KCNB2: variants seen among roughly 807,000 people sequenced by gnomAD.
KCNB2 encodes the protein potassium voltage-gated channel subfamily B member 2, also known as delayed rectifier potassium channel protein.
A neutral mutation model predicts 61.5 loss-of-function variants in KCNB2; 15 were observed. That is an observed-to-expected ratio of 0.24 (90% CI 0.16 to 0.38). The LOEUF (loss-of-function observed/expected upper bound fraction) is 0.38, where lower values mean the gene tolerates loss of function less well. Ranked by LOEUF, KCNB2 falls within the 10% of genes least tolerant of loss-of-function variation. The probability of loss-of-function intolerance (pLI) is 1.00; values close to 1 mark genes in which losing one functional copy is unlikely to be tolerated. For missense variants in KCNB2, 828 were observed against 1,125.2 expected, an observed-to-expected ratio of 0.74 and a Z score of 3.78; for synonymous variants, 457 against 446.0, an observed-to-expected ratio of 1.02 and a Z score of -0.31.
At chr8:72,926,154 A>G (rs1480122120) in intron 2 of KCNB2, among the ~76,000 whole-genome samples, 1 of 152,214 alleles carries the variant, frequency 6.6e-6, no homozygotes, top group Admixed American at 6.5e-5. Flanking sequence ...GCTGGGCTCA[A>G]TACCTAGGTG....
rs145630349 is a variant in KCNB2 at position 72,674,769 on chromosome 8, G to A, written c.579+106456G>A. 1.7e-3 allele frequency among the ~76,000 whole-genome samples: 264 copies of A among 152,250 alleles called. 2 individuals carry two copies. The highest frequency in any genetic ancestry group is 5.9e-3 in the African/African-American group (246 of 41,550). The stretch of plus-strand genomic sequence containing the variant: ...AGAGAAGGGTAGATAGAAAACTGCA[G>A]GGTATAGCAATGAAATTGTGCTGGA... On this transcript the variant is annotated intron_variant, in intron 2 of 2. Transcript: ENST00000523207.
rs1235401256 is a variant in KCNB2 at position 72,822,593 on chromosome 8, C to T, written c.580-113342C>T. ...ATTCATTCTCTTTCTGCTTACCTCT[C>T]GCCACCCTGGCCCCCACCTCCTAGC... On this transcript the variant is annotated intron_variant, in intron 2 of 2. Transcript: ENST00000523207. 2.0e-5 allele frequency among the ~76,000 whole-genome samples: 3 copies of T among 152,160 alleles called. 1 individual carries two copies. Among genetic ancestry groups the T allele is most frequent in the Non-Finnish European group, 2.9e-5 (2 of 68,022 alleles).
At chr8:72,774,158 G>C (rs545870475) in intron 2 of KCNB2, among the ~76,000 whole-genome samples, 1 of 152,124 alleles carries the variant, frequency 6.6e-6, no homozygotes, top group Non-Finnish European at 1.5e-5. Context: ...ACTTGCCTAT[G>C]ATGAGTCATG....
At chr8:72,850,949 C>T (rs374207166) in intron 2 of KCNB2, among the ~76,000 whole-genome samples, 201 of 152,310 alleles carry the variant, frequency 1.3e-3, no homozygotes, top group African/African-American at 4.5e-3. Context: ...CATAGAGCTC[C>T]TCTTATCATC....
chr8:72,600,303 T>G (rs1807274511), intron 2 of KCNB2, among the ~76,000 whole-genome samples: 1 of 152,010 alleles, frequency 6.6e-6, no homozygotes, highest in Admixed American at 6.6e-5. Context: ...GGGACATGGA[T>G]GAAGCTGGAA....
chr8:72,634,554 A>G lies in KCNB2; in HGVS notation c.579+66241A>G, dbSNP rs151160615. Among the ~76,000 whole-genome samples the G allele has an allele frequency of 2.0e-5, 3 of 152,312 alleles. No individual in the cohort carries two copies. The East Asian group carries it at 5.8e-4, about 29-fold the overall frequency. On this transcript the variant is annotated intron_variant, in intron 2 of 2. Coordinates refer to ENST00000523207, the MANE Select transcript of KCNB2 (RefSeq NM_004770.3). ...TTATTTTTTTCACACCAACTATTGT[A>G]TCTACGTTAAATGTATTCATATTAC... is the stretch of plus-strand genomic sequence containing the variant.
chr8:72,724,162 G>T (rs948547500), intron 2 of KCNB2, among the ~76,000 whole-genome samples: 2 of 152,034 alleles, frequency 1.3e-5, no homozygotes, highest in Non-Finnish European at 2.9e-5. Context: ...GTGTTATAGC[G>T]GTATTTCGTC....
intron 2 of KCNB2, 95 bp downstream of exon 2, chr8:72,568,408 C>G: frequency 9.4e-7 from 1 of 1,060,634 alleles, no homozygotes; most frequent in South Asian, 1.6e-5. Context: ...TTTGGTAACA[C>G]AGAACAAAGT....
intron 2 of KCNB2, among the ~76,000 whole-genome samples, chr8:72,635,379 G>T (rs183173467): frequency 3.9e-3 from 587 of 152,244 alleles, no homozygotes; most frequent in Non-Finnish European, 6.1e-3. Context: ...CCAAGATTAG[G>T]CTTGGTTATC....
At position 72,910,405 on chromosome 8, in the gene KCNB2, A is replaced by T. The variant is rs58316320; in HGVS notation, c.580-25530A>T. ...TGAGAACCACCAATGCATAGACGAT[A>T]CCAGGAACCACTGGAGGAAATGGTG... On this transcript the variant is annotated intron_variant, in intron 2 of 2. Coordinates refer to ENST00000523207, the MANE Select transcript of KCNB2 (RefSeq NM_004770.3). Among the ~76,000 whole-genome samples, 760 of 152,278 alleles carry T rather than the reference A, an allele frequency of 5.0e-3. 5 individuals carry two copies. The highest frequency in any genetic ancestry group is 0.016 in the African/African-American group (682 of 41,556).
chr8:72,726,842 G>A (rs905463332), intron 2 of KCNB2, among the ~76,000 whole-genome samples: 30 of 140,186 alleles, frequency 2.1e-4, no homozygotes, highest in Non-Finnish European at 3.4e-4. Context: ...AGCTCAGGAG[G>A]TACCTTCAGG....
At chr8:72,783,922 T>C (rs186052638) in intron 2 of KCNB2, among the ~76,000 whole-genome samples, 1 of 152,262 alleles carries the variant, frequency 6.6e-6, no homozygotes, top group East Asian at 1.9e-4. Flanking sequence ...TGTTGTTTTC[T>C]GGTTAAATCC....
intron 2 of KCNB2, among the ~76,000 whole-genome samples, chr8:72,784,775 C>G (rs1042769924): frequency 6.6e-6 from 1 of 152,138 alleles, no homozygotes; most frequent in Non-Finnish European, 1.5e-5. Context: ...GGTGGGGACA[C>G]AGCCAAACCA....
chr8:72,857,913 AC>A (rs1810233751), intron 2 of KCNB2, among the ~76,000 whole-genome samples: 1 of 152,112 alleles, frequency 6.6e-6, no homozygotes, highest in African/African-American at 2.4e-5. Flanking sequence ...AAGTGGGTGC[AC>A]AGGAATATAA....
chr8:72,636,285 G>C (rs958898974), intron 2 of KCNB2, among the ~76,000 whole-genome samples: 3 of 152,108 alleles, frequency 2.0e-5, no homozygotes, highest in East Asian at 1.9e-4. Context: ...TCGTCGCTCA[G>C]GGACAGATGG....
chr8:72,556,876 G>T (rs1186965376), intron 1 of KCNB2, among the ~76,000 whole-genome samples: 1 of 152,148 alleles, frequency 6.6e-6, no homozygotes, highest in Non-Finnish European at 1.5e-5. Flanking sequence ...ATGAACAGCA[G>T]AAATTTATTT....
intron 2 of KCNB2, among the ~76,000 whole-genome samples, chr8:72,763,763 T>C (rs1321076404): frequency 6.6e-6 from 1 of 152,176 alleles, no homozygotes; most frequent in Non-Finnish European, 1.5e-5. Context: ...GTGCTCAATA[T>C]GATAAAAGAC....
chr8:72,733,167 G>A (rs964759821), intron 2 of KCNB2, among the ~76,000 whole-genome samples: 22 of 152,128 alleles, frequency 1.4e-4, no homozygotes, highest in African/African-American at 5.1e-4. Flanking sequence ...ACTAAGAGTT[G>A]TAACTTCATT....
chr8:72,874,263 G>A (rs968740629), intron 2 of KCNB2, among the ~76,000 whole-genome samples: 1 of 152,064 alleles, frequency 6.6e-6, no homozygotes, highest in Non-Finnish European at 1.5e-5. Context: ...TTGTCCTAGG[G>A]ACTGATCCGA....
Sources: allele counts gnomAD v4.1 joint callset (sites outside exome capture counted in the v4.1 genomes callset), GRCh38; gene constraint gnomAD v4.1.1; transcripts MANE v1.5; gene names NCBI Gene and HGNC (gene_info 2026-07-23, HGNC 2026-07-21).